The following CNNM2 variants were observed in gnomAD, a reference collection of about 807,000 sequenced individuals.
CNNM2 encodes the protein cyclin and CBS domain divalent metal cation transport mediator 2.
A neutral mutation model predicts 66.9 loss-of-function variants in CNNM2; 12 were observed. The ratio of observed to expected loss-of-function variants is 0.18; its 90% CI spans 0.11 to 0.29. The LOEUF (loss-of-function observed/expected upper bound fraction) is 0.29, where lower values mean the gene tolerates loss of function less well. Among genes scored for constraint, CNNM2 ranks in the 10% least tolerant of loss-of-function variants. CNNM2 has a pLI of 1.00. For synonymous variants in CNNM2, 557 were observed against 501.8 expected (o/e 1.11, Z -1.47); for missense variants, 705 against 1,167.7 (o/e 0.60, Z 5.77).
At chr10:103,040,802 G>A (rs576785058) in intron 1 of CNNM2, among the ~76,000 whole-genome samples, 13 of 152,216 alleles carry the variant, frequency 8.5e-5, no homozygotes, top group Admixed American at 3.9e-4. Context: ...CCATCTAAAC[G>A]TCTCTGGCTT....
intron 1 of CNNM2, among the ~76,000 whole-genome samples, chr10:103,033,182 ATTTTAT>A (rs2064863033): frequency 1.3e-5 from 2 of 151,570 alleles, no homozygotes; most frequent in Non-Finnish European, 2.9e-5. Context: ...TTTTAAATTT[ATTTTAT>A]TTTTATTTTT....
chr10:103,018,858 C>T (rs2064509099), intron 1 of CNNM2, among the ~76,000 whole-genome samples: 1 of 150,988 alleles, frequency 6.6e-6, no homozygotes, highest in African/African-American at 2.4e-5. Context: ...CGGGTTTCAC[C>T]ATGTTGGCCA....
chr10:102,986,823 A>T (rs2134237336), intron 1 of CNNM2, among the ~76,000 whole-genome samples: 1 of 151,402 alleles, frequency 6.6e-6, no homozygotes, highest in South Asian at 2.1e-4. Context: ...TCGTAGAATT[A>T]TATTACTAGA....
chr10:103,053,971 T>C (rs113407073), intron 2 of CNNM2, among the ~76,000 whole-genome samples: 4 of 152,190 alleles, frequency 2.6e-5, no homozygotes, highest in African/African-American at 9.7e-5. Flanking sequence ...CAGTGGACTG[T>C]GCACTCCAGG....
At chr10:102,920,940 G>T in intron 1 of CNNM2, 1 of 240,150 alleles carries the variant, frequency 4.2e-6, no homozygotes, top group South Asian at 1.5e-4. Flanking sequence ...ACAGTGGGAT[G>T]AATCCCTCTA....
Position 102,918,581 on chromosome 10 carries a change from G to T in CNNM2, c.101G>T (p.Ser34Ile). The T allele has an allele frequency of 1.3e-6, 2 of 1,575,584 alleles. No individual in the cohort carries two copies. The highest frequency in any genetic ancestry group is 1.7e-6 in the Non-Finnish European group (2 of 1,164,862). Residue 34 changes from serine to isoleucine, a missense_variant, in exon 1 of 8, where the codon AGC (serine) becomes ATC (isoleucine). Ser to Ile is a moderately radical substitution (Grantham distance 142). Transcript: ENST00000369878. The surrounding 1 kb of genome is among the most constrained non-coding windows in gnomAD (Gnocchi z 4.1). ...TWKMAARRSL[S>I]ARGRGILQAA... ...AAGATGGCGGCGCGCCGCAGCCTCA[G>T]CGCTCGCGGCCGGGGGATCCTGCAG...
chr10:102,933,784 C>A (rs1846138032), intron 1 of CNNM2, among the ~76,000 whole-genome samples: 1 of 151,978 alleles, frequency 6.6e-6, no homozygotes. Context: ...AGTATTAGTC[C>A]AGGAAGAAAC....
At chr10:102,920,201 G>T in intron 1 of CNNM2, 100 bp downstream of exon 1, 1 of 1,608,130 alleles carries the variant, frequency 6.2e-7, no homozygotes, top group South Asian at 1.1e-5. Context: ...AAGGCGAGTT[G>T]ACCGGGATTT....
chr10:103,029,395 C>T (rs1162127984), intron 1 of CNNM2, among the ~76,000 whole-genome samples: 1 of 151,656 alleles, frequency 6.6e-6, no homozygotes, highest in Non-Finnish European at 1.5e-5. Flanking sequence ...ACCCAGGTGG[C>T]AGAGGTTGCA....
chr10:103,009,928 G>A (rs1256933239), intron 1 of CNNM2, among the ~76,000 whole-genome samples: 1 of 143,884 alleles, frequency 7.0e-6, no homozygotes, highest in Non-Finnish European at 1.5e-5. Flanking sequence ...GCAAATGGAG[G>A]AAATTTAAGA....
intron 1 of CNNM2, among the ~76,000 whole-genome samples, chr10:102,983,546 C>T (rs1590347128): frequency 1.3e-5 from 2 of 151,934 alleles, no homozygotes; most frequent in East Asian, 3.9e-4. Context: ...TCAAGTGATC[C>T]TCTCACCTCA....
intron 1 of CNNM2, among the ~76,000 whole-genome samples, chr10:103,031,842 G>C (rs1050099448): frequency 1.3e-5 from 2 of 152,024 alleles, no homozygotes; most frequent in East Asian, 3.9e-4. Context: ...AAAATGCGGG[G>C]GGGGCGTGAG....
chr10:103,009,849 G>C (rs1442612368), intron 1 of CNNM2, among the ~76,000 whole-genome samples: 4 of 152,044 alleles, frequency 2.6e-5, no homozygotes, highest in African/African-American at 9.7e-5. Flanking sequence ...CTTGTTTATT[G>C]CTGTTCCTCT....
At chr10:103,028,923 A>G (rs2064766997) in intron 1 of CNNM2, among the ~76,000 whole-genome samples, 1 of 145,574 alleles carries the variant, frequency 6.9e-6, no homozygotes. Flanking sequence ...ACCAGGTTCA[A>G]TCGATTGTCA....
intron 6 of CNNM2, among the ~76,000 whole-genome samples, chr10:103,075,258 G>T (rs1186638982): frequency 2.0e-5 from 3 of 152,202 alleles, no homozygotes; most frequent in Non-Finnish European, 4.4e-5. Context: ...TCAAGACCTG[G>T]CCAGGGTGGG....
chr10:103,044,996 G>A (rs950573221), intron 1 of CNNM2, among the ~76,000 whole-genome samples: 4 of 152,200 alleles, frequency 2.6e-5, no homozygotes, highest in Non-Finnish European at 5.9e-5. Context: ...TTACTTTGGT[G>A]AGAATAGCGC....
chr10:102,919,626 C>T lies in CNNM2; in HGVS notation c.1146C>T (p.Phe382=), dbSNP rs1290945499. The part of the protein sequence containing the change: ...GANTIFLTKF[F]MMMTFPASYP... The stretch of plus-strand genomic sequence containing the variant: ...ACACCATCTTCCTCACCAAGTTTTT[C>T]ATGATGATGACCTTCCCCGCTTCCT... The change falls in exon 1 of 8, where the codon TTC becomes TTT. Residue 382 remains phenylalanine (F), a synonymous_variant. Coordinates refer to ENST00000369878, the MANE Select transcript of CNNM2 (RefSeq NM_017649.5). 2 of 1,613,910 alleles carry T rather than the reference C, an allele frequency of 1.2e-6. No homozygotes were observed. The highest frequency in any genetic ancestry group is 2.2e-5 in the East Asian group (1 of 44,904).
chr10:103,039,627 A>G (rs1015016734), intron 1 of CNNM2, among the ~76,000 whole-genome samples: 6 of 152,154 alleles, frequency 3.9e-5, no homozygotes, highest in African/African-American at 1.2e-4. Flanking sequence ...CTAAAATACT[A>G]TTAAGAGTAA....
At chr10:103,066,807 C>T (rs987791908) in intron 4 of CNNM2, among the ~76,000 whole-genome samples, 1 of 152,168 alleles carries the variant, frequency 6.6e-6, no homozygotes, top group Non-Finnish European at 1.5e-5. Flanking sequence ...ATGGTCAGCC[C>T]GTGGGGGATG....
Sources: gnomAD v4.1 joint callset for allele counts (sites outside exome capture counted in the v4.1 genomes callset) on GRCh38, gnomAD v4.1.1 for gene constraint, Gnocchi (gnomAD v3.1) non-coding constraint, MANE v1.5 for transcripts, NCBI Gene and HGNC (gene_info 2026-07-23, HGNC 2026-07-21) for gene names.